HPD: variants seen among roughly 807,000 people sequenced by gnomAD.
HPD encodes 4-hydroxyphenylpyruvic acid oxidase.
HPD carries 35 observed loss-of-function variants against 56.9 expected under a neutral mutation model. The observed-to-expected ratio is 0.62, with a 90% CI of 0.47 to 0.82. HPD has a LOEUF of 0.82. Among genes scored for constraint, HPD ranks in the 40% least tolerant of loss-of-function variants. HPD has a pLI of 0.00. For missense variants in HPD, 442 were observed against 506.8 expected (o/e 0.87, Z 1.23); for synonymous variants, 186 against 200.2 (o/e 0.93, Z 0.60).
upstream of HPD, among the ~76,000 whole-genome samples, chr12:121,866,675 T>A (rs1257365731): frequency 6.6e-6 from 1 of 152,028 alleles, no homozygotes; most frequent in African/African-American, 2.4e-5. Flanking sequence ...CAAAGTCTAT[T>A]TACATGTTTT....
Position 121,857,777 on chromosome 12 carries a change from A to G in HPD, c.73T>C (p.Trp25Arg), listed in dbSNP as rs1878058805. 3 of 1,613,920 alleles carry G rather than the reference A, an allele frequency of 1.9e-6. No homozygotes were observed. In the South Asian group the frequency reaches 3.3e-5, roughly 18 times the overall value. The change falls in exon 3 of 14, where the codon TGG becomes CGG. Residue 25 changes from tryptophan (W) to arginine (R), a missense_variant. Transcript: ENST00000289004. ...RFLHFHSVTF[W>R]VGNAKQATSF... ...TCTACCTGCTTGGCGTTGCCAACCCAGAAGGTCACAGAGTGGAAGTGGAGG... is the reference window on the plus strand; with the variant it reads ...TCTACCTGCTTGGCGTTGCCAACCCGGAAGGTCACAGAGTGGAAGTGGAGG...
chr12:121,842,592 A>AT (rs111580122), intron 12 of HPD, among the ~76,000 whole-genome samples: 2,232 of 145,580 alleles, frequency 0.015, 50 homozygotes, highest in African/African-American at 0.053. Flanking sequence ...CGCACAGCTA[A>AT]TTTTTTTTTT....
the HPD span, among the ~76,000 whole-genome samples, chr12:121,887,960 T>C: frequency 4.1e-4 from 63 of 152,218 alleles, no homozygotes; most frequent in Non-Finnish European, 8.2e-4. Context: ...GTTGATTGTT[T>C]AGGTAAGCTG....
chr12:121,885,034 G>C, the HPD span, among the ~76,000 whole-genome samples: 1 of 151,896 alleles, frequency 6.6e-6, no homozygotes, highest in Non-Finnish European at 1.5e-5. Flanking sequence ...GGGATTACAG[G>C]TGCCTGCCAC....
At chr12:121,858,762 T>C in intron 1 of HPD, 49 bp from the exon 2 acceptor site, 1 of 1,613,990 alleles carries the variant, frequency 6.2e-7, no homozygotes, top group Non-Finnish European at 8.5e-7. Flanking sequence ...CAACACAAGG[T>C]GCTTCTGGAA....
Position 121,839,528 on chromosome 12 carries a change from TG to T in HPD, c.*199del. 1 of 619,840 alleles carries T rather than the reference TG, an allele frequency of 1.6e-6. No homozygotes were observed. Among genetic ancestry groups the T allele is most frequent in the South Asian group, 1.9e-5 (1 of 53,738 alleles). The allele number at this position is 619,840 out of a possible 1,614,324, so 38.4% of individuals were successfully genotyped here. ...CGCAACACAAACACAGACACAGTAT[TG>T]GACCGGGGCACGCTTTAATCGGGAG... On this transcript the variant is annotated 3_prime_UTR_variant, in exon 14 of 14. Transcript: ENST00000289004.
intron 4 of HPD, chr12:121,856,844 C>T: frequency 1.6e-6 from 1 of 609,210 alleles, no homozygotes. Flanking sequence ...ACTGCTAGGT[C>T]AGGTCTCCCT....
chr12:121,859,108 T>C (rs2596142), upstream of HPD: 14,747 of 518,256 alleles, frequency 0.028, 339 homozygotes, highest in Non-Finnish European at 0.042. Context: ...TCCAGGACGC[T>C]GGGAATGTGA....
At chr12:121,851,343 T>A (rs1314633745) in intron 7 of HPD, among the ~76,000 whole-genome samples, 10 of 146,526 alleles carry the variant, frequency 6.8e-5, no homozygotes, top group African/African-American at 1.3e-4. Flanking sequence ...TTTTATTTTT[T>A]AAAATTTTTA....
At chr12:121,862,226 C>T (rs1878193526), upstream of HPD, among the ~76,000 whole-genome samples, 2 of 152,090 alleles carry the variant, frequency 1.3e-5, no homozygotes, top group Non-Finnish European at 2.9e-5. Flanking sequence ...GGGTCACTTA[C>T]AGATGTCCAT....
At chr12:121,847,325 G>A in intron 9 of HPD, 111 bp from the exon 10 acceptor site, 1 of 919,914 alleles carries the variant, frequency 1.1e-6, no homozygotes. Flanking sequence ...GAAAGGAGAT[G>A]CCACTGCCAT....
At chr12:121,850,855 C>T (rs1192730942) in intron 7 of HPD, among the ~76,000 whole-genome samples, 1 of 151,554 alleles carries the variant, frequency 6.6e-6, no homozygotes, top group African/African-American at 2.4e-5. Flanking sequence ...CGTGCCACCA[C>T]ACCTGGCTAA....
the HPD span, among the ~76,000 whole-genome samples, chr12:121,874,619 AAAAC>A: frequency 2.2e-4 from 34 of 152,034 alleles, no homozygotes; most frequent in Non-Finnish European, 3.7e-4. Flanking sequence ...ACTCCATCTC[AAAAC>A]AAACAAACAA....
the HPD span, among the ~76,000 whole-genome samples, chr12:121,881,827 T>C: frequency 1.5e-5 from 2 of 137,918 alleles, no homozygotes; most frequent in African/African-American, 4.9e-5. Flanking sequence ...TTTGTATTTT[T>C]AATAGAGACA....
chr12:121,858,535 A>T, intron 2 of HPD, 152 bp downstream of exon 2: 1 of 799,926 alleles, frequency 1.3e-6, no homozygotes, highest in South Asian at 1.4e-5. Context: ...AGTCTCGGGG[A>T]GCCCCGGGGG....
At chr12:121,840,890 A>G (rs919002564) in intron 12 of HPD, among the ~76,000 whole-genome samples, 3 of 142,640 alleles carry the variant, frequency 2.1e-5, no homozygotes, top group African/African-American at 8.0e-5. Context: ...CCCAGTCACT[A>G]CAAAAAAAAA....
the HPD span, among the ~76,000 whole-genome samples, chr12:121,884,306 G>T: frequency 6.6e-6 from 1 of 151,908 alleles, no homozygotes; most frequent in African/African-American, 2.4e-5. Flanking sequence ...GGGATTACAG[G>T]TGTGTGCCGC....
intron 3 of HPD, 142 bp downstream of exon 3, chr12:121,857,615 T>C (rs1168242296): frequency 2.4e-6 from 2 of 847,224 alleles, no homozygotes; most frequent in Admixed American, 3.9e-5. Context: ...GCTGGTGTAA[T>C]TAGGATTCAG....
chr12:121,871,973 C>T, the HPD span, among the ~76,000 whole-genome samples: 1 of 151,234 alleles, frequency 6.6e-6, no homozygotes, highest in South Asian at 2.1e-4. Context: ...TGGCTCACGA[C>T]TGTAATCCCA....
Sources: gnomAD v4.1 joint callset for allele counts (sites outside exome capture counted in the v4.1 genomes callset) on GRCh38, gnomAD v4.1.1 for gene constraint, MANE v1.5 for transcripts, NCBI Gene and HGNC (gene_info 2026-07-23, HGNC 2026-07-21) for gene names.